Variants in NT5C2 observed in about 807,000 individuals in gnomAD.
The protein encoded by NT5C2 is 5'-nucleotidase, cytosolic II.
Under a neutral mutation model 76.1 loss-of-function variants are expected in NT5C2, and 58 were observed. The observed-to-expected ratio is 0.76, with a 90% confidence interval of 0.62 to 0.95. The LOEUF (loss-of-function observed/expected upper bound fraction) is 0.95, where lower values mean the gene tolerates loss of function less well. NT5C2 is among the 40% of genes least tolerant of loss of function. NT5C2 has a pLI of 0.00. For missense variants in NT5C2, 478 were observed against 690.3 expected (o/e 0.69, Z 3.45); for synonymous variants, 229 against 237.4 (o/e 0.96, Z 0.32).
At chr10:103,096,370 A>T (rs1473697526) in intron 11 of NT5C2, among the ~76,000 whole-genome samples, 2 of 152,196 alleles carry the variant, frequency 1.3e-5, no homozygotes, top group Non-Finnish European at 2.9e-5. Flanking sequence ...TTTATGTAAG[A>T]CTGTTTACTA....
In NT5C2 at chr10:103,103,404, G is replaced by C. The variant is rs149616335; in HGVS notation, c.390-2078C>G. Among the ~76,000 whole-genome samples the C allele has an allele frequency of 2.6e-5, 4 of 152,132 alleles. No homozygotes were observed. The South Asian group carries it at 8.3e-4, about 32-fold the overall frequency. ...AGTAAAAATATACTTTCTTCAGTTA[G>C]ATTTAATAAGCTGACACTGTCTCCT... On this transcript the variant is annotated intron_variant, in intron 6 of 18. Coordinates refer to ENST00000404739, the MANE Select transcript of NT5C2 (RefSeq NM_001351169.2).
Position 103,187,242 on chromosome 10 carries a change from T to A in NT5C2, c.-168-5914A>T, listed in dbSNP as rs181883989. Among the ~76,000 whole-genome samples, 6 of 150,642 alleles carry A rather than the reference T, an allele frequency of 4.0e-5. No homozygotes were observed. In the East Asian group the frequency reaches 1.2e-3, roughly 29 times the overall value. ...TCCAGCTTGGGCAACACAGAGAGAC[T>A]CCACCTTAAAAAAATAAAAAAGGCC... On this transcript the variant is annotated intron_variant, in intron 1 of 18. Coordinates refer to ENST00000404739, the MANE Select transcript of NT5C2 (RefSeq NM_001351169.2).
At chr10:103,148,016 G>A in intron 3 of NT5C2, among the ~76,000 whole-genome samples, 1 of 152,008 alleles carries the variant, frequency 6.6e-6, no homozygotes, top group East Asian at 1.9e-4. Context: ...AAAGTAATAG[G>A]AAGACCTCAG....
At chr10:103,091,305 G>A (rs1451743661) in intron 16 of NT5C2, among the ~76,000 whole-genome samples, 5 of 151,944 alleles carry the variant, frequency 3.3e-5, no homozygotes, top group African/African-American at 1.2e-4. Context: ...CTCCCAAAGT[G>A]CTGGGATTAC....
chr10:103,174,688 T>A (rs1271607334), intron 3 of NT5C2, among the ~76,000 whole-genome samples, 170 bp downstream of exon 3: 1 of 152,250 alleles, frequency 6.6e-6, no homozygotes, highest in Non-Finnish European at 1.5e-5. Flanking sequence ...CACAAAGCAG[T>A]ATGGTGTACT....
chr10:103,142,451 G>GC (rs1397139711), intron 3 of NT5C2, among the ~76,000 whole-genome samples: 1 of 151,896 alleles, frequency 6.6e-6, no homozygotes, highest in Non-Finnish European at 1.5e-5. Flanking sequence ...CAGGCAGATC[G>GC]CTTGAGCACA....
chr10:103,151,404 C>A (rs1341529919), intron 3 of NT5C2, among the ~76,000 whole-genome samples: 3 of 149,932 alleles, frequency 2.0e-5, no homozygotes, highest in Non-Finnish European at 4.4e-5. Flanking sequence ...GTGGAGGTTG[C>A]GGTGAGCCAA....
chr10:103,146,673 T>A (rs1315261307), intron 3 of NT5C2, among the ~76,000 whole-genome samples: 2 of 152,246 alleles, frequency 1.3e-5, no homozygotes, highest in African/African-American at 4.8e-5. Flanking sequence ...AAAATCTAGT[T>A]ACTATCTTTT....
chr10:103,101,424 T>G, intron 6 of NT5C2, 98 bp from the exon 7 acceptor site: 1 of 691,098 alleles, frequency 1.4e-6, no homozygotes, highest in South Asian at 1.8e-5. Flanking sequence ...TTTTGATGGC[T>G]ATGTGCAAGA....
chr10:103,111,870 T>C, intron 4 of NT5C2: 7 of 1,034,444 alleles, frequency 6.8e-6, no homozygotes, highest in Non-Finnish European at 8.7e-6. Flanking sequence ...TTTAAAACTG[T>C]TGTGATGGGC....
At chr10:103,120,821 AG>A (rs2075507631) in intron 4 of NT5C2, among the ~76,000 whole-genome samples, 1 of 152,240 alleles carries the variant, frequency 6.6e-6, no homozygotes, top group South Asian at 2.1e-4. Context: ...AGCAGGAAGC[AG>A]GAACTCAAAC....
chr10:103,095,418 T>C (rs955801046), intron 12 of NT5C2, among the ~76,000 whole-genome samples: 3 of 152,226 alleles, frequency 2.0e-5, no homozygotes, highest in African/African-American at 7.2e-5. Context: ...TGTAAGTATG[T>C]GACTAAGTTG....
chr10:103,105,273 A>T (rs1334947870), intron 6 of NT5C2: 1 of 253,816 alleles, frequency 3.9e-6, no homozygotes, highest in Admixed American at 5.7e-5. Flanking sequence ...ATTAGAATCT[A>T]AAAAACGTAT....
intron 3 of NT5C2, among the ~76,000 whole-genome samples, chr10:103,155,739 GA>G (rs2133898904): frequency 6.6e-6 from 1 of 152,302 alleles, no homozygotes; most frequent in South Asian, 2.1e-4. Flanking sequence ...ATCTGAGGAA[GA>G]GAACTGCTCA....
intron 3 of NT5C2, among the ~76,000 whole-genome samples, chr10:103,173,752 C>T (rs1334021834): frequency 6.6e-6 from 1 of 151,002 alleles, no homozygotes; most frequent in Non-Finnish European, 1.5e-5. Flanking sequence ...TGGTGAAACC[C>T]TGTCACTACT....
chr10:103,174,209 T>C (rs1046481567), intron 3 of NT5C2, among the ~76,000 whole-genome samples: 6 of 151,604 alleles, frequency 4.0e-5, no homozygotes, highest in African/African-American at 1.5e-4. Context: ...GAGTTCAAGA[T>C]CACCCTGGCC....
At chr10:103,147,367 C>G (rs2133502823) in intron 3 of NT5C2, among the ~76,000 whole-genome samples, 1 of 152,312 alleles carries the variant, frequency 6.6e-6, no homozygotes, top group East Asian at 1.9e-4. Flanking sequence ...TAAATATGCC[C>G]TAAGGCTTTG....
chr10:103,144,523 T>C lies in NT5C2; in HGVS notation c.102-5044A>G, dbSNP rs146963804. The stretch of plus-strand genomic sequence containing the variant: ...TTAAGCTTGTACTGTCATGAAAATA[T>C]ATCAAATCATTTATGTATATTTTTA... On this transcript the variant is annotated intron_variant, in intron 3 of 18. Transcript: ENST00000404739. Among the ~76,000 whole-genome samples, 197 of 152,354 alleles carry C rather than the reference T, an allele frequency of 1.3e-3. 3 individuals carry two copies. In the Middle Eastern group the frequency reaches 0.051, roughly 39 times the overall value.
chr10:103,167,594 T>C (rs2086713410), intron 3 of NT5C2, among the ~76,000 whole-genome samples: 1 of 152,098 alleles, frequency 6.6e-6, no homozygotes, highest in East Asian at 1.9e-4. Context: ...TACCTGTTTT[T>C]AGTATGAGGT....
Sources: allele counts gnomAD v4.1 joint callset (sites outside exome capture counted in the v4.1 genomes callset), GRCh38; gene constraint gnomAD v4.1.1; transcripts MANE v1.5; gene names NCBI Gene and HGNC (gene_info 2026-07-23, HGNC 2026-07-21).